The following NBEA variants were observed in gnomAD, a reference collection of about 807,000 sequenced individuals.
NBEA encodes the protein neurobeachin, also known as lysosomal-trafficking regulator 2.
NBEA carries 44 observed loss-of-function variants against 343.4 expected under a neutral mutation model. The observed-to-expected ratio is 0.13, with a 90% confidence interval of 0.10 to 0.16. NBEA has a LOEUF of 0.16. Among genes scored for constraint, NBEA ranks in the 10% least tolerant of loss-of-function variants. The pLI is 1.00. For missense variants in NBEA, 2,555 were observed against 3,631.3 expected, an observed-to-expected ratio of 0.70 and a Z score of 7.62; for synonymous variants, 1,175 against 1,238.7, an observed-to-expected ratio of 0.95 and a Z score of 1.08.
At chr13:35,219,389 A>AT (rs1309666242) in intron 33 of NBEA, among the ~76,000 whole-genome samples, 1 of 152,136 alleles carries the variant, frequency 6.6e-6, no homozygotes, top group African/African-American at 2.4e-5. Flanking sequence ...TCAGAATAAC[A>AT]TAGAGGGCTT....
chr13:35,080,046 C>T (rs954331826), intron 10 of NBEA, among the ~76,000 whole-genome samples: 2 of 152,058 alleles, frequency 1.3e-5, no homozygotes, highest in Non-Finnish European at 2.9e-5. Flanking sequence ...GGTACAGATG[C>T]TTGTTTCTTT....
At chr13:35,095,608 A>G (rs1206619007) in intron 10 of NBEA, among the ~76,000 whole-genome samples, 1 of 151,860 alleles carries the variant, frequency 6.6e-6, no homozygotes, top group Non-Finnish European at 1.5e-5. Flanking sequence ...AACACCCACT[A>G]GGTTATTAAC....
chr13:35,536,925 G>T (rs368567629), intron 41 of NBEA, among the ~76,000 whole-genome samples: 1 of 152,142 alleles, frequency 6.6e-6, no homozygotes, highest in African/African-American at 2.4e-5. Flanking sequence ...TTCTAAATCC[G>T]ATATACCCCT....
intron 1 of NBEA, among the ~76,000 whole-genome samples, chr13:34,968,117 G>C (rs1463537013): frequency 6.6e-6 from 1 of 152,108 alleles, no homozygotes; most frequent in East Asian, 1.9e-4. Flanking sequence ...AAACAGCTTA[G>C]GAACAGCCAA....
At chr13:35,384,914 G>A (rs2042173866) in intron 38 of NBEA, among the ~76,000 whole-genome samples, 1 of 152,080 alleles carries the variant, frequency 6.6e-6, no homozygotes, top group Admixed American at 6.6e-5. Flanking sequence ...CATTCCCATT[G>A]TTAATTACAA....
intron 52 of NBEA, 52 bp from the exon 53 acceptor site, chr13:35,651,753 C>T: frequency 9.2e-7 from 1 of 1,091,042 alleles, no homozygotes; most frequent in Non-Finnish European, 1.4e-6. Flanking sequence ...TTAGGAAATC[C>T]CTTCTTTCTG....
chr13:35,153,636 A>G (rs2068945933), intron 18 of NBEA, among the ~76,000 whole-genome samples: 1 of 152,220 alleles, frequency 6.6e-6, no homozygotes. Flanking sequence ...CAGTTTTATT[A>G]GATAGGCAAG....
intron 38 of NBEA, among the ~76,000 whole-genome samples, chr13:35,414,683 A>G (rs879110273): frequency 3.4e-4 from 51 of 152,202 alleles, no homozygotes; most frequent in African/African-American, 1.2e-3. Flanking sequence ...TAGTGCCACA[A>G]TAAACATACG....
intron 38 of NBEA, among the ~76,000 whole-genome samples, chr13:35,391,585 A>T (rs1000158234): frequency 1.3e-5 from 2 of 152,192 alleles, no homozygotes; most frequent in Non-Finnish European, 2.9e-5. Context: ...GCTTAAAAGA[A>T]TGTTATACAT....
intron 17 of NBEA, among the ~76,000 whole-genome samples, chr13:35,140,720 T>C (rs994650082): frequency 6.6e-6 from 1 of 152,180 alleles, no homozygotes; most frequent in Non-Finnish European, 1.5e-5. Context: ...AGAGACCTTT[T>C]GCAGATGAAT....
intron 45 of NBEA, among the ~76,000 whole-genome samples, chr13:35,572,933 AAAC>A (rs2153030852): frequency 6.6e-6 from 1 of 152,340 alleles, no homozygotes; most frequent in South Asian, 2.1e-4. Flanking sequence ...GCTTAATTTT[AAAC>A]AACAAAATAT....
chr13:35,363,752 A>AT (rs947285921), intron 38 of NBEA, among the ~76,000 whole-genome samples: 2 of 151,858 alleles, frequency 1.3e-5, no homozygotes, highest in African/African-American at 4.8e-5. Flanking sequence ...CCATGGAACA[A>AT]TTTTTTCTTC....
Position 35,045,391 on chromosome 13 carries a change from G to A in NBEA, c.713G>A (p.Cys238Tyr), listed in dbSNP as rs2062811692. The change falls in exon 4 of 59, where the codon TGT becomes TAT. Residue 238 changes from cysteine (C) to tyrosine (Y), a missense_variant. By Grantham distance (194) the Cys-to-Tyr change is radical. Transcript: ENST00000379939. ...GPDTFFNFPG[C>Y]SAAAIALPPI... ...GATACTTTTTTCAATTTCCCTGGTT[G>A]TAGCGCTGCGGTAAGTTTTAAATAC... is the stretch of plus-strand genomic sequence containing the variant. The A allele has an allele frequency of 6.2e-7, 1 of 1,607,860 alleles. No homozygotes were observed.
chr13:35,389,546 G>A (rs549662194), intron 38 of NBEA, among the ~76,000 whole-genome samples: 111 of 152,018 alleles, frequency 7.3e-4, no homozygotes, highest in African/African-American at 2.0e-3. Context: ...CATTGATCTA[G>A]TATTTTCTTA....
At chr13:35,518,764 T>G (rs2152991019) in intron 41 of NBEA, among the ~76,000 whole-genome samples, 1 of 151,808 alleles carries the variant, frequency 6.6e-6, no homozygotes, top group South Asian at 2.1e-4. Context: ...AAGATCCCAA[T>G]TATTGATATA....
At position 35,655,766 on chromosome 13, in the gene NBEA, A is replaced by G. The variant is rs779030324; in HGVS notation, c.8362+17A>G. 6.3e-7 allele frequency: 1 copy of G among 1,597,356 alleles called. No homozygotes were observed. ...CTAACAGCAGTGAGTGTTTGTATCA[A>G]ATTTGTCCTATCAAACTATAGTTTA... On this transcript the variant is annotated intron_variant, in intron 55 of 58. Coordinates refer to ENST00000379939, the MANE Select transcript of NBEA (RefSeq NM_001385012.1).
At chr13:35,106,317 G>A (rs537493109) in intron 11 of NBEA, among the ~76,000 whole-genome samples, 2 of 151,834 alleles carry the variant, frequency 1.3e-5, no homozygotes, top group East Asian at 1.9e-4. Context: ...TTTTAAAACC[G>A]TTAATCAAAG....
At chr13:35,554,026 G>A (rs867093521) in intron 43 of NBEA, among the ~76,000 whole-genome samples, 1 of 152,098 alleles carries the variant, frequency 6.6e-6, no homozygotes, top group Non-Finnish European at 1.5e-5. Context: ...TGATTCCAAG[G>A]TTTCAGAAGC....
At chr13:35,642,375 A>G (rs958487789) in intron 49 of NBEA, among the ~76,000 whole-genome samples, 1 of 152,180 alleles carries the variant, frequency 6.6e-6, no homozygotes, top group Non-Finnish European at 1.5e-5. Context: ...CTAATAATGG[A>G]TAACATAGAT....
Sources: allele counts gnomAD v4.1 joint callset (sites outside exome capture counted in the v4.1 genomes callset), GRCh38; gene constraint gnomAD v4.1.1; transcripts MANE v1.5; gene names NCBI Gene and HGNC (gene_info 2026-07-23, HGNC 2026-07-21).